EPHA2: variants seen among roughly 807,000 people sequenced by gnomAD.
EPHA2 encodes the protein EPH receptor A2.
A neutral mutation model predicts 104.9 loss-of-function variants in EPHA2; 54 were observed. That is an observed-to-expected ratio of 0.51 (90% CI 0.41 to 0.65). The LOEUF (loss-of-function observed/expected upper bound fraction) is 0.65, where lower values mean the gene tolerates loss of function less well. EPHA2 is among the 30% of genes least tolerant of loss of function. The probability of loss-of-function intolerance (pLI) is 0.00; values close to 1 mark genes in which losing one functional copy is unlikely to be tolerated. For synonymous variants in EPHA2, 560 were observed against 559.1 expected, an observed-to-expected ratio of 1.00 and a Z score of -0.02; for missense variants, 1,117 against 1,369.5, an observed-to-expected ratio of 0.82 and a Z score of 2.91.
At chr1:16,133,655 G>T (rs1424726404) in intron 9 of EPHA2, 49 bp from the exon 10 acceptor site, 3 of 1,610,842 alleles carry the variant, frequency 1.9e-6, no homozygotes, top group Non-Finnish European at 2.5e-6. Flanking sequence ...GGGGCCCCAT[G>T]GGGGGTGCTC....
At chr1:16,143,389 C>T (rs2024865042) in intron 3 of EPHA2, among the ~76,000 whole-genome samples, 1 of 152,020 alleles carries the variant, frequency 6.6e-6, no homozygotes, top group African/African-American at 2.4e-5. Context: ...GAAGGTCCAC[C>T]AGGATGCCTA....
chr1:16,150,818 G>A lies in EPHA2; in HGVS notation c.153+78C>T. 3.9e-6 allele frequency: 6 copies of A among 1,528,506 alleles called. No individual in the cohort carries two copies. The highest frequency in any genetic ancestry group is 5.4e-6 in the Non-Finnish European group (6 of 1,103,606). 94.7% of individuals were successfully genotyped at this position (1,528,506 alleles called of 1,614,324 possible). The stretch of plus-strand genomic sequence containing the variant: ...ATTGAAGCCAGGCCCCACGCTCCCT[G>A]GGCCTCAGTTTCTCCATCTCTACAG... On this transcript the variant is annotated intron_variant, in intron 2 of 16. Transcript: ENST00000358432. The surrounding 1 kb of genome is among the most constrained non-coding windows in gnomAD (Gnocchi z 4.8).
At chr1:16,136,713 A>AAGAAGAAG (rs1553135584) in intron 5 of EPHA2, among the ~76,000 whole-genome samples, 9 of 102,734 alleles carry the variant, frequency 8.8e-5, no homozygotes, top group South Asian at 3.4e-4. Flanking sequence ...AAGAAGAAGA[A>AAGAAGAAG]AAGAAGAAGA....
chr1:16,132,023 C>A, intron 13 of EPHA2, 41 bp downstream of exon 13: 1 of 1,613,282 alleles, frequency 6.2e-7, no homozygotes, highest in Non-Finnish European at 8.5e-7. Flanking sequence ...CCATGCAGGG[C>A]GAAGGCCGCT....
rs749959551 is a variant in EPHA2, at chr1:16,135,704, G to T, written c.1379C>A (p.Pro460Gln). Residue 460 changes from proline to glutamine, a missense_variant, in exon 6 of 17, where the codon CCG becomes CAG. Around this residue, in one of 3 missense-constraint regions of EPHA2, gnomAD observed 664 missense variants for 784.8 expected, o/e 0.85. Transcript: ENST00000358432. This position sits in a 1 kb window ranked among gnomAD's most constrained non-coding sequence, Gnocchi z 4.3. ...CTTCCACACTCGGCTCTGCTGCGGCGGGGGGATGCTCCAGGAGACGCTAAG... is the reference window on the plus strand; with the variant it reads ...CTTCCACACTCGGCTCTGCTGCGGCTGGGGGATGCTCCAGGAGACGCTAAG... Reference protein sequence around the residue: ...TSLSVSWSIPPPQQSRVWKYE... With the variant: ...TSLSVSWSIPQPQQSRVWKYE... 9 of 1,613,230 alleles carry T rather than the reference G, an allele frequency of 5.6e-6. No individual in the cohort carries two copies. Among genetic ancestry groups the T allele is most frequent in the Non-Finnish European group, 6.8e-6 (8 of 1,179,762 alleles).
chr1:16,151,772 G>A (rs2025042053), intron 1 of EPHA2, among the ~76,000 whole-genome samples: 1 of 152,154 alleles, frequency 6.6e-6, no homozygotes, highest in African/African-American at 2.4e-5. Context: ...AGGTTCCTGG[G>A]GGATCAGGAA....
chr1:16,136,766 A>AGAAGAAGAG (rs2024717590), intron 5 of EPHA2, among the ~76,000 whole-genome samples: 3 of 149,886 alleles, frequency 2.0e-5, no homozygotes, highest in South Asian at 2.1e-4. Flanking sequence ...AAGAAGAAGA[A>AGAAGAAGAG]GAAGAAGAAC....
At chr1:16,155,821 AG>A (rs1457244482) in intron 1 of EPHA2, 26 bp downstream of exon 1, 1 of 1,392,210 alleles carries the variant, frequency 7.2e-7, no homozygotes, top group Non-Finnish European at 9.3e-7. Flanking sequence ...CCCGGGGGCC[AG>A]GGGTCCAGAC....
At chr1:16,127,054 A>G (rs1325050875) in intron 16 of EPHA2, among the ~76,000 whole-genome samples, 2 of 152,130 alleles carry the variant, frequency 1.3e-5, no homozygotes, top group Non-Finnish European at 2.9e-5. Flanking sequence ...ACAGGATGGG[A>G]GCACAGTTTG....
At chr1:16,133,068 GCAGGTGTGGGGGGAAGGTGGGCA>G in intron 11 of EPHA2, 89 bp downstream of exon 11, 2 of 1,411,878 alleles carry the variant, frequency 1.4e-6, no homozygotes, top group African/African-American at 2.9e-5. Context: ...GGAGGTGGGT[GCAGGTGTGGGGGGAAGGTGGGCA>G]CAGGTATAGG....
intron 3 of EPHA2, among the ~76,000 whole-genome samples, chr1:16,140,862 A>C (rs1162176968): frequency 2.0e-5 from 3 of 150,878 alleles, no homozygotes; most frequent in Non-Finnish European, 4.4e-5. Context: ...CGGCCTCCCA[A>C]AGTGCTGGGA....
Position 16,131,063 on chromosome 1 carries a change from G to A in EPHA2, c.2476-644C>T, listed in dbSNP as rs918381568. 6.6e-6 allele frequency among the ~76,000 whole-genome samples: 1 copy of A among 152,010 alleles called. No individual in the cohort carries two copies. The highest frequency in any genetic ancestry group is 1.5e-5 in the Non-Finnish European group (1 of 68,022). Reference sequence around the variant, plus strand: ...CAGTGCCCTTGGTCTTGGCAGAGATGTGACCTCTTCTGAGAAGCCTCCCAG... The same window carrying A: ...CAGTGCCCTTGGTCTTGGCAGAGATATGACCTCTTCTGAGAAGCCTCCCAG... On this transcript the variant is annotated intron_variant, in intron 14 of 16. Coordinates refer to ENST00000358432, the MANE Select transcript of EPHA2 (RefSeq NM_004431.5). This position sits in a 1 kb window ranked among gnomAD's most constrained non-coding sequence, Gnocchi z 5.2.
chr1:16,132,852 G>A (rs1440000326), intron 11 of EPHA2, among the ~76,000 whole-genome samples: 3 of 127,874 alleles, frequency 2.3e-5, no homozygotes, highest in Non-Finnish European at 3.3e-5. Context: ...GGAGGTGGGT[G>A]CAGGTATGGG....
chr1:16,125,655 C>T lies in EPHA2; in HGVS notation c.2826-335G>A, dbSNP rs2024452853. On this transcript the variant is annotated intron_variant, in intron 16 of 16. Transcript: ENST00000358432. The surrounding 1 kb of genome is among the most constrained non-coding windows in gnomAD (Gnocchi z 4.9). ...TGAGGCAGGTGCTCTTTTTCATCCC[C>T]ATTTTGCAGATTAGAGAACTGAGGT... Among the ~76,000 whole-genome samples the T allele has an allele frequency of 1.3e-5, 2 of 152,274 alleles. No individual in the cohort carries two copies. Among genetic ancestry groups the T allele is most frequent in the South Asian group, 4.2e-4 (2 of 4,816 alleles).
chr1:16,134,687 C>G lies in EPHA2; in HGVS notation c.1583-120G>C. The G allele has an allele frequency of 1.9e-6, 2 of 1,078,454 alleles. No individual in the cohort carries two copies. The highest frequency in any genetic ancestry group is 2.8e-6 in the Non-Finnish European group (2 of 717,164). 66.8% of individuals were successfully genotyped at this position (1,078,454 alleles called of 1,614,324 possible). ...CTGGGTGCTTGCACTTGGGAAGGCT[C>G]CAGAGGGTACTTAGTCCCATTTCAT... On this transcript the variant is annotated intron_variant, in intron 7 of 16. Transcript: ENST00000358432. This position sits in a 1 kb window ranked among gnomAD's most constrained non-coding sequence, Gnocchi z 4.5.
In EPHA2 at chr1:16,125,215, T is replaced by G. The variant is rs780512376; in HGVS notation, c.2931A>C (p.Ter977CysextTer14). 4 of 1,613,666 alleles carry G rather than the reference T, an allele frequency of 2.5e-6. No individual in the cohort carries two copies. Among genetic ancestry groups the G allele is most frequent in the South Asian group, 1.1e-5 (1 of 90,952 alleles). ...DQVNTVGIPI[*>C] is the part of the protein sequence containing the mutation. ...ATGGGGCTCCAGGCCCTGTCGAGGCTCAGATGGGGATCCCCACAGTGTTCA... is the reference window on the plus strand; with the variant it reads ...ATGGGGCTCCAGGCCCTGTCGAGGCGCAGATGGGGATCCCCACAGTGTTCA... Residue 977 changes from the stop codon to cysteine, a stop_lost, in exon 17 of 17, where the codon TGA becomes TGC. Coordinates refer to ENST00000358432, the MANE Select transcript of EPHA2 (RefSeq NM_004431.5). The surrounding 1 kb of genome is among the most constrained non-coding windows in gnomAD (Gnocchi z 4.9).
intron 2 of EPHA2, 91 bp from the exon 3 acceptor site, chr1:16,149,138 A>G (rs1184637444): frequency 7.1e-7 from 1 of 1,399,808 alleles, no homozygotes; most frequent in Non-Finnish European, 1.0e-6. Flanking sequence ...GATGCTTTCC[A>G]GTTCGTGCTC....
At chr1:16,127,094 G>A (rs2024484320) in intron 16 of EPHA2, among the ~76,000 whole-genome samples, 1 of 152,180 alleles carries the variant, frequency 6.6e-6, no homozygotes, top group Non-Finnish European at 1.5e-5. Flanking sequence ...AAAACTCCAA[G>A]GCCATATACT....
At chr1:16,132,547 G>A in intron 11 of EPHA2, 108 bp from the exon 12 acceptor site, 1 of 1,249,084 alleles carries the variant, frequency 8.0e-7, no homozygotes, top group Non-Finnish European at 1.2e-6. Context: ...GTGGGCACAG[G>A]TGTGGGGAGA....
Sources: allele counts gnomAD v4.1 joint callset (sites outside exome capture counted in the v4.1 genomes callset), GRCh38; gene constraint gnomAD v4.1.1; regional missense constraint gnomAD v4.1.1; non-coding constraint Gnocchi (gnomAD v3.1); transcripts MANE v1.5; gene names NCBI Gene and HGNC (gene_info 2026-07-23, HGNC 2026-07-21).